CLASP2: variants seen among roughly 807,000 people sequenced by gnomAD.
CLASP2 encodes cytoplasmic linker associated protein 2, also known as CLIP-associating protein 2.
Under a neutral mutation model 194.4 loss-of-function variants are expected in CLASP2, and 47 were observed. The observed-to-expected ratio is 0.24, with a 90% confidence interval of 0.19 to 0.31. CLASP2 has a LOEUF of 0.31. Among genes scored for constraint, CLASP2 ranks in the 10% least tolerant of loss-of-function variants. The probability of loss-of-function intolerance (pLI) is 1.00; values close to 1 mark genes in which losing one functional copy is unlikely to be tolerated. For missense variants in CLASP2, 1,445 were observed against 1,823.6 expected (o/e 0.79, Z 3.78); for synonymous variants, 619 against 633.5 (o/e 0.98, Z 0.34).
intron 36 of CLASP2, among the ~76,000 whole-genome samples, chr3:33,512,631 C>T (rs1329943449): frequency 7.3e-6 from 1 of 136,794 alleles, no homozygotes; most frequent in Non-Finnish European, 1.5e-5. Context: ...GGCAGTCTCT[C>T]ACTTAAGATC....
At chr3:33,680,336 G>A (rs1434953461) in intron 6 of CLASP2, among the ~76,000 whole-genome samples, 4 of 152,180 alleles carry the variant, frequency 2.6e-5, no homozygotes, top group Non-Finnish European at 5.9e-5. Context: ...GTCACCCCTA[G>A]TGCAAACTAT....
chr3:33,658,234 A>G lies in CLASP2; in HGVS notation c.715+5211T>C, dbSNP rs9847881. Among the ~76,000 whole-genome samples, 790 of 152,256 alleles carry G rather than the reference A, an allele frequency of 5.2e-3. 9 individuals carry two copies. The highest frequency in any genetic ancestry group is 0.018 in the African/African-American group (767 of 41,558). On this transcript the variant is annotated intron_variant, in intron 7 of 38. Coordinates refer to ENST00000682230, the MANE Select transcript of CLASP2 (RefSeq NM_001365631.1). Reference sequence around the variant, plus strand: ...TGTCTCAGCAGGTCTCAGTTTCCCAATCTGTAAGATGGAAATACCAAAACA... The same window carrying G: ...TGTCTCAGCAGGTCTCAGTTTCCCAGTCTGTAAGATGGAAATACCAAAACA...
rs1451539873 is a variant in CLASP2 at position 33,565,997 on chromosome 3, T to G, written c.2766+735A>C. Reference sequence around the variant, plus strand: ...CTGTGTCCCTCTCTAACCTCCTCATTGTTCAAGGGTCAACTGTACTTACAT... The same window carrying G: ...CTGTGTCCCTCTCTAACCTCCTCATGGTTCAAGGGTCAACTGTACTTACAT... On this transcript the variant is annotated intron_variant, in intron 27 of 38. Coordinates refer to ENST00000682230, the MANE Select transcript of CLASP2 (RefSeq NM_001365631.1). 3.9e-5 allele frequency among the ~76,000 whole-genome samples: 6 copies of G among 152,292 alleles called. No homozygotes were observed. The East Asian group carries it at 1.2e-3, about 29-fold the overall frequency.
chr3:33,540,641 C>G (rs1329373978), intron 32 of CLASP2, among the ~76,000 whole-genome samples: 2 of 151,968 alleles, frequency 1.3e-5, no homozygotes, highest in East Asian at 3.9e-4. Context: ...AAAAAATAGG[C>G]TAGGAAATGT....
chr3:33,574,351 G>T, intron 24 of CLASP2: 1 of 603,092 alleles, frequency 1.7e-6, no homozygotes, highest in Non-Finnish European at 2.8e-6. Context: ...CAGAAAAATA[G>T]ATGTATGTCT....
At chr3:33,566,876 G>A (rs1318965859) in intron 26 of CLASP2, 142 bp from the exon 27 acceptor site, 3 of 296,654 alleles carry the variant, frequency 1.0e-5, no homozygotes, top group East Asian at 9.5e-5. Flanking sequence ...AATGTTTTTC[G>A]AAGTTTTATG....
intron 30 of CLASP2, among the ~76,000 whole-genome samples, chr3:33,548,564 G>A (rs184454930): frequency 1.3e-5 from 2 of 152,236 alleles, no homozygotes; most frequent in Admixed American, 1.3e-4. Flanking sequence ...CAAAGTGCTG[G>A]AATTACAGGC....
At chr3:33,613,204 T>G (rs2075513164) in intron 12 of CLASP2, among the ~76,000 whole-genome samples, 1 of 152,178 alleles carries the variant, frequency 6.6e-6, no homozygotes, top group Admixed American at 6.5e-5. Flanking sequence ...GGATGTGAGA[T>G]GAAGGAAGCA....
chr3:33,626,072 G>A (rs1011094437), intron 10 of CLASP2, among the ~76,000 whole-genome samples: 11 of 152,132 alleles, frequency 7.2e-5, no homozygotes, highest in Admixed American at 3.3e-4. Context: ...TCTCAGAATT[G>A]AAGAATAGGA....
chr3:33,528,921 AC>A (rs761602764), intron 34 of CLASP2, among the ~76,000 whole-genome samples: 14 of 152,010 alleles, frequency 9.2e-5, no homozygotes, highest in Non-Finnish European at 1.9e-4. Context: ...TATTTAGAAA[AC>A]CCCATAGTCT....
At chr3:33,651,654 T>C (rs1413132846) in intron 7 of CLASP2, among the ~76,000 whole-genome samples, 1 of 138,970 alleles carries the variant, frequency 7.2e-6, no homozygotes, top group African/African-American at 2.6e-5. Flanking sequence ...ACTTTCCACC[T>C]CACTTTTTTT....
At chr3:33,586,237 T>C (rs1328087710) in intron 21 of CLASP2, among the ~76,000 whole-genome samples, 1 of 151,834 alleles carries the variant, frequency 6.6e-6, no homozygotes, top group Non-Finnish European at 1.5e-5. Context: ...CGGGTTCAAG[T>C]GATTCTCCTG....
chr3:33,640,962 A>T (rs528093750), intron 8 of CLASP2, among the ~76,000 whole-genome samples: 1 of 152,042 alleles, frequency 6.6e-6, no homozygotes, highest in Non-Finnish European at 1.5e-5. Flanking sequence ...AGTGCTATAG[A>T]ATCTAAAAGA....
chr3:33,708,762 A>G (rs1257958724), intron 1 of CLASP2, among the ~76,000 whole-genome samples: 2 of 151,998 alleles, frequency 1.3e-5, no homozygotes, highest in Non-Finnish European at 2.9e-5. Flanking sequence ...TAACTTTCTG[A>G]GGAACCTCCT....
At chr3:33,500,753 T>C (rs2154069907) in intron 38 of CLASP2, among the ~76,000 whole-genome samples, 1 of 128,876 alleles carries the variant, frequency 7.8e-6, no homozygotes, top group East Asian at 2.3e-4. Flanking sequence ...TTTTTGCTAT[T>C]AAAAGATAAA....
chr3:33,594,769 T>C (rs1410431542), intron 20 of CLASP2, among the ~76,000 whole-genome samples, 182 bp downstream of exon 20: 10 of 143,180 alleles, frequency 7.0e-5, no homozygotes, highest in African/African-American at 2.6e-4. Flanking sequence ...GATGAAGAAT[T>C]AAAAAAAAAA....
In CLASP2 at chr3:33,542,517, TG is replaced by T. The variant is rs1003785335; in HGVS notation, c.3404+915del. Among the ~76,000 whole-genome samples the T allele has an allele frequency of 1.1e-4, 17 of 149,752 alleles. No individual in the cohort carries two copies. The Admixed American group carries it at 1.1e-3, about 10-fold the overall frequency. On this transcript the variant is annotated intron_variant, in intron 32 of 38. Transcript: ENST00000682230. The stretch of plus-strand genomic sequence containing the variant: ...TATATAAAAATGTAATAAATATATA[TG>T]AATATAAATCATTCTGTTATAATCA...
At chr3:33,632,447 A>G in intron 8 of CLASP2, 76 bp from the exon 9 acceptor site, 1 of 1,043,286 alleles carries the variant, frequency 9.6e-7, no homozygotes, top group Admixed American at 2.8e-5. Flanking sequence ...ATGAAAAATA[A>G]AACTCTTTTG....
chr3:33,510,659 T>C lies in CLASP2; in HGVS notation c.4216A>G (p.Ile1406Val), dbSNP rs572141479. 9.9e-6 allele frequency: 16 copies of C among 1,613,884 alleles called. No homozygotes were observed. Among genetic ancestry groups the C allele is most frequent in the East Asian group, 2.2e-5 (1 of 44,878 alleles). The change falls in exon 37 of 39, where the codon ATT becomes GTT. Residue 1406 changes from isoleucine (I) to valine (V), a missense_variant. By Grantham distance (29) the Ile-to-Val change is conservative. Transcript: ENST00000682230. ...CPIIQTADYP[I>V]NLAAIKMQTK... ...TGCATTTTGATTGCAGCCAGATTAA[T>C]TGGGTAGTCTGCAGTTTGAATGATA...
Sources: gnomAD v4.1 joint callset for allele counts (sites outside exome capture counted in the v4.1 genomes callset) on GRCh38, gnomAD v4.1.1 for gene constraint, MANE v1.5 for transcripts, NCBI Gene and HGNC (gene_info 2026-07-23, HGNC 2026-07-21) for gene names.